Variants in CSNK1G1 observed in about 807,000 individuals in gnomAD.
The protein encoded by CSNK1G1 is casein kinase 1 gamma 1.
In CSNK1G1, 22 loss-of-function variants were observed where a neutral mutation model predicts 59.6. The ratio of observed to expected loss-of-function variants is 0.37; its 90% CI spans 0.26 to 0.53. The LOEUF (loss-of-function observed/expected upper bound fraction) is 0.53. Among genes scored for constraint, CSNK1G1 ranks in the 20% least tolerant of loss-of-function variants. The pLI is 0.89. For missense variants in CSNK1G1, 384 were observed against 519.5 expected (o/e 0.74, Z 2.54); for synonymous variants, 179 against 177.1 (o/e 1.01, Z -0.08).
intron 2 of CSNK1G1, among the ~76,000 whole-genome samples, chr15:64,299,136 G>C (rs1895183052): frequency 6.7e-6 from 1 of 150,350 alleles, no homozygotes; most frequent in African/African-American, 2.4e-5. Context: ...CTTACAATGA[G>C]TCTTCACATT....
intron 1 of CSNK1G1, among the ~76,000 whole-genome samples, chr15:64,311,887 CCTT>C (rs1263604030): frequency 6.6e-6 from 1 of 151,996 alleles, no homozygotes; most frequent in Admixed American, 6.6e-5. Flanking sequence ...CTCAAAATCT[CCTT>C]AAGCTGATAA....
At chr15:64,320,594 G>T (rs1328516570) in intron 1 of CSNK1G1, among the ~76,000 whole-genome samples, 1 of 150,438 alleles carries the variant, frequency 6.6e-6, no homozygotes, top group African/African-American at 2.4e-5. Flanking sequence ...CGGGAGAATC[G>T]CTTGAGCCCA....
chr15:64,310,937 G>A (rs1287056094), intron 1 of CSNK1G1, among the ~76,000 whole-genome samples: 2 of 149,822 alleles, frequency 1.3e-5, no homozygotes, highest in Non-Finnish European at 3.0e-5. Flanking sequence ...CCCTGGAGGC[G>A]GAAGTTGCAG....
At chr15:64,248,564 G>C (rs933329815) in intron 4 of CSNK1G1, among the ~76,000 whole-genome samples, 3 of 152,058 alleles carry the variant, frequency 2.0e-5, no homozygotes, top group African/African-American at 7.3e-5. Flanking sequence ...GCAGGGAGTG[G>C]GGAGAGTGGG....
intron 1 of CSNK1G1, among the ~76,000 whole-genome samples, chr15:64,301,341 T>C (rs780834276): frequency 1.8e-4 from 27 of 147,436 alleles, no homozygotes; most frequent in Non-Finnish European, 3.3e-4. Context: ...AAGAGATCCT[T>C]TGCAGAACCC....
At chr15:64,220,325 C>T (rs1001060560) in intron 4 of CSNK1G1, among the ~76,000 whole-genome samples, 10 of 151,760 alleles carry the variant, frequency 6.6e-5, no homozygotes, top group Admixed American at 3.9e-4. Flanking sequence ...GAACTCCTGA[C>T]CTCAAGTGAT....
intron 3 of CSNK1G1, among the ~76,000 whole-genome samples, chr15:64,252,853 C>T (rs1363065801): frequency 1.3e-5 from 2 of 152,142 alleles, no homozygotes; most frequent in Non-Finnish European, 2.9e-5. Flanking sequence ...TGACAGTGTA[C>T]TGGGCAACTG....
At chr15:64,247,857 T>C (rs560772431) in intron 4 of CSNK1G1, among the ~76,000 whole-genome samples, 1 of 152,336 alleles carries the variant, frequency 6.6e-6, no homozygotes, top group East Asian at 1.9e-4. Flanking sequence ...GCAATAGGTA[T>C]TCTTTAAATT....
intron 3 of CSNK1G1, among the ~76,000 whole-genome samples, chr15:64,252,741 T>C (rs972346255): frequency 2.0e-5 from 3 of 152,170 alleles, no homozygotes; most frequent in African/African-American, 7.2e-5. Flanking sequence ...GTGTTCAAGT[T>C]TCCAAAAATG....
At chr15:64,208,590 G>A (rs2082212259) in intron 6 of CSNK1G1, among the ~76,000 whole-genome samples, 1 of 152,194 alleles carries the variant, frequency 6.6e-6, no homozygotes, top group South Asian at 2.1e-4. Context: ...CTTGAGTGCA[G>A]TGTTGTGATC....
chr15:64,195,274 T>G (rs1485056371), intron 10 of CSNK1G1, among the ~76,000 whole-genome samples: 2 of 152,216 alleles, frequency 1.3e-5, no homozygotes, highest in Admixed American at 1.3e-4. Flanking sequence ...TCAATATGAC[T>G]CTCTCCACTG....
intron 4 of CSNK1G1, among the ~76,000 whole-genome samples, chr15:64,250,368 A>G (rs1236380440): frequency 2.0e-5 from 3 of 152,238 alleles, no homozygotes; most frequent in Non-Finnish European, 4.4e-5. Flanking sequence ...TAAAACTTGA[A>G]TAACACACAA....
At chr15:64,230,990 AAAT>A (rs1211490387) in intron 4 of CSNK1G1, among the ~76,000 whole-genome samples, 1 of 151,724 alleles carries the variant, frequency 6.6e-6, no homozygotes, top group Non-Finnish European at 1.5e-5. Flanking sequence ...ATAAATAAAT[AAAT>A]AATAAAATAA....
intron 2 of CSNK1G1, among the ~76,000 whole-genome samples, chr15:64,278,389 T>C (rs1307212634): frequency 2.4e-5 from 3 of 123,228 alleles, no homozygotes; most frequent in African/African-American, 7.3e-5. Context: ...TGTGTGTGTG[T>C]GTGTGTGTGT....
At chr15:64,339,856 C>G (rs1274742000) in intron 1 of CSNK1G1, among the ~76,000 whole-genome samples, 1 of 152,130 alleles carries the variant, frequency 6.6e-6, no homozygotes, top group African/African-American at 2.4e-5. Context: ...ATACCACTGC[C>G]CTCAACTAGA....
At chr15:64,182,781 G>A (rs554561921) in intron 10 of CSNK1G1, among the ~76,000 whole-genome samples, 1 of 152,136 alleles carries the variant, frequency 6.6e-6, no homozygotes, top group Non-Finnish European at 1.5e-5. Flanking sequence ...CAAGGTTAAA[G>A]ATATACAAGA....
rs1186445447 is a variant in CSNK1G1 at position 64,167,998 on chromosome 15, C to T, written c.*3933G>A. The T allele has an allele frequency of 1.3e-5, 2 of 152,258 alleles. No homozygotes were observed. The highest frequency in any genetic ancestry group is 2.4e-5 in the African/African-American group (1 of 41,456). The allele number at this position is 152,258 out of a possible 1,614,324, so 9.4% of individuals were successfully genotyped here. A position where few individuals can be genotyped will look rare whatever the true frequency, so the allele number is the denominator to read the frequency against. On this transcript the variant is annotated 3_prime_UTR_variant, in exon 12 of 12. Coordinates refer to ENST00000303052, the MANE Select transcript of CSNK1G1 (RefSeq NM_022048.5). The stretch of plus-strand genomic sequence containing the variant: ...TGGTTACTAGCACTGAAAATCAACA[C>T]TGAATATGCACTACCAGCATATCTT...
rs1018589012 is a variant in CSNK1G1 at position 64,338,728 on chromosome 15, A to C, written c.-225+17260T>G. Among the ~76,000 whole-genome samples, 12 of 143,426 alleles carry C rather than the reference A, an allele frequency of 8.4e-5. No individual in the cohort carries two copies. In the East Asian group the frequency reaches 1.1e-3, roughly 13 times the overall value. 94.1% of individuals were successfully genotyped at this position (143,426 alleles called of 152,430 possible). A position where few individuals can be genotyped will look rare whatever the true frequency, so the allele number is the denominator to read the frequency against. ...AAAAAAAAAAAAAAAAAAAAAAAAA[A>C]CACTTCTGGCCGGGCGCGATAGCTT... On this transcript the variant is annotated intron_variant, in intron 1 of 11. Coordinates refer to ENST00000303052, the MANE Select transcript of CSNK1G1 (RefSeq NM_022048.5).
intron 2 of CSNK1G1, among the ~76,000 whole-genome samples, chr15:64,293,667 G>A (rs1425375916): frequency 6.6e-6 from 1 of 152,196 alleles, no homozygotes; most frequent in Non-Finnish European, 1.5e-5. Flanking sequence ...GCCCTGTTAG[G>A]AACCAGGCTG....
Sources: allele counts gnomAD v4.1 joint callset (sites outside exome capture counted in the v4.1 genomes callset), GRCh38; gene constraint gnomAD v4.1.1; transcripts MANE v1.5; gene names NCBI Gene and HGNC (gene_info 2026-07-23, HGNC 2026-07-21).